FAM177A1: variants seen among roughly 807,000 people sequenced by gnomAD.
FAM177A1 encodes the protein protein FAM177A1.
In FAM177A1, 22 loss-of-function variants were observed where a neutral mutation model predicts 26.1. The ratio of observed to expected loss-of-function variants is 0.84; its 90% confidence interval spans 0.60 to 1.20. The LOEUF is 1.20. Among genes scored for constraint, FAM177A1 ranks in the 50% most tolerant of loss-of-function variants. The pLI is 0.00. For missense variants in FAM177A1, 296 were observed against 291.1 expected (o/e 1.02, Z -0.12); for synonymous variants, 95 against 99.3 (o/e 0.96, Z 0.26).
intron 2 of FAM177A1, among the ~76,000 whole-genome samples, chr14:35,068,527 T>C (rs544852398): frequency 6.6e-6 from 1 of 152,368 alleles, no homozygotes; most frequent in South Asian, 2.1e-4. Context: ...AATGAGGTTG[T>C]GTTATTTACT....
chr14:35,046,660 G>A (rs1025765091), intron 1 of FAM177A1, 32 bp downstream of exon 1: 21 of 1,511,162 alleles, frequency 1.4e-5, no homozygotes, highest in Admixed American at 1.1e-4. Flanking sequence ...GACGTCCGGG[G>A]AGCCGAGCCG....
chr14:35,049,898 T>C (rs764916459), intron 1 of FAM177A1: 1 of 152,270 alleles, frequency 6.6e-6, no homozygotes, highest in African/African-American at 2.4e-5. Flanking sequence ...CCTGGTGTTA[T>C]GAAACTATCT....
chr14:35,052,160 A>G (rs1395464814), intron 1 of FAM177A1, among the ~76,000 whole-genome samples: 1 of 152,024 alleles, frequency 6.6e-6, no homozygotes, highest in Non-Finnish European at 1.5e-5. Flanking sequence ...GTTTCTACCC[A>G]TGGGGTAACC....
intron 3 of FAM177A1, among the ~76,000 whole-genome samples, chr14:35,077,779 G>A (rs2045421317): frequency 1.3e-5 from 2 of 152,176 alleles, no homozygotes; most frequent in African/African-American, 4.8e-5. Context: ...ACCGCGCCCG[G>A]CCTCAAGTTC....
chr14:35,046,475 C>G lies in FAM177A1; in HGVS notation c.12C>G (p.Gly4=), dbSNP rs1473847550. The change falls in exon 1 of 5, where the codon GGC becomes GGG. Residue 4 remains glycine (G), a synonymous_variant. Coordinates refer to ENST00000280987, the MANE Select transcript of FAM177A1 (RefSeq NM_173607.5). ...CGGGGAGACCAAGGATGGAAGTGGG[C>G]TTACCGGCCATTACCCTCTTTCTCA... The part of the protein sequence containing the change: MEV[G]LPAITLFLTS... The G allele has an allele frequency of 1.9e-6, 3 of 1,588,064 alleles. No individual in the cohort carries two copies. The highest frequency in any genetic ancestry group is 4.7e-5 in the East Asian group (2 of 42,880).
rs754687338 is a variant in FAM177A1, at chr14:35,081,191, T to C, written c.674T>C (p.Met225Thr). ...FEMEGDSEVI[M>T]ESKQNPVSVP... is the part of the protein sequence containing the mutation. ...ATGGAGGGAGACAGTGAAGTAATTA[T>C]GGAAAGCAAGCAAAATCCAGTCTCT... The change falls in exon 5 of 5, where the codon ATG (methionine) becomes ACG (threonine). Residue 225 changes from methionine to threonine, a missense_variant. Physicochemically the swap from Met to Thr is moderately conservative, Grantham distance 81. Transcript: ENST00000280987. The C allele has an allele frequency of 4.1e-5, 66 of 1,613,488 alleles. No homozygotes were observed. In the Admixed American group the frequency reaches 1.0e-3, roughly 25 times the overall value.
chr14:35,071,114 AG>A (rs1471575970), intron 2 of FAM177A1, among the ~76,000 whole-genome samples: 4 of 151,486 alleles, frequency 2.6e-5, no homozygotes, highest in African/African-American at 7.3e-5. Flanking sequence ...CTTCTGCCTC[AG>A]CCTCCTGAGT....
intron 2 of FAM177A1, among the ~76,000 whole-genome samples, chr14:35,068,384 C>T (rs979246260): frequency 6.6e-6 from 1 of 152,334 alleles, no homozygotes. Context: ...TGTAGATTTA[C>T]TCTCTACTCG....
At chr14:35,049,503 G>A (rs1005225391) in intron 1 of FAM177A1, among the ~76,000 whole-genome samples, 2 of 152,168 alleles carry the variant, frequency 1.3e-5, no homozygotes, top group Admixed American at 1.3e-4. Context: ...CAGATCCTGA[G>A]CTGGGCAGAG....
intron 2 of FAM177A1, among the ~76,000 whole-genome samples, chr14:35,067,583 TA>T (rs1191003739): frequency 6.6e-6 from 1 of 152,218 alleles, no homozygotes; most frequent in Non-Finnish European, 1.5e-5. Flanking sequence ...ATTCTGTTTT[TA>T]ATTTTTTGAG....
intron 2 of FAM177A1, among the ~76,000 whole-genome samples, chr14:35,071,577 TCAAA>T (rs977701285): frequency 1.4e-5 from 2 of 146,646 alleles, no homozygotes; most frequent in African/African-American, 5.0e-5. Flanking sequence ...AAGTCAATGT[TCAAA>T]CAAAGGGCCC....
intron 1 of FAM177A1, chr14:35,046,836 A>G (rs1367678890): frequency 3.7e-6 from 5 of 1,359,074 alleles, no homozygotes; most frequent in Non-Finnish European, 4.7e-6. Context: ...CTTGGCTGGC[A>G]GCACAGCAGA....
chr14:35,079,150 T>C, intron 4 of FAM177A1, 126 bp downstream of exon 4: 1 of 623,228 alleles, frequency 1.6e-6, no homozygotes, highest in Non-Finnish European at 2.7e-6. Flanking sequence ...CATTTCATTC[T>C]AGAATCATTA....
At chr14:35,060,844 T>C (rs886102081) in intron 2 of FAM177A1, among the ~76,000 whole-genome samples, 8 of 152,210 alleles carry the variant, frequency 5.3e-5, no homozygotes, top group African/African-American at 1.9e-4. Flanking sequence ...AAACAATTGA[T>C]AAATTTTAAG....
upstream of FAM177A1, chr14:35,046,249 G>C (rs2044858237): frequency 2.3e-6 from 1 of 435,278 alleles, no homozygotes; most frequent in Non-Finnish European, 3.9e-6. Flanking sequence ...CCCGCCCCGC[G>C]CGAGCCGGTA....
At position 35,068,187 on chromosome 14, in the gene FAM177A1, C is replaced by T. The variant is rs542782632; in HGVS notation, c.340-8963C>T. On this transcript the variant is annotated intron_variant, in intron 2 of 4. Coordinates refer to ENST00000280987, the MANE Select transcript of FAM177A1 (RefSeq NM_173607.5). ...CCAATATGTATTTCAGAATCTCCAT[C>T]GGTGGCAGTAAATAGGTTTTTTATT... 5.9e-5 allele frequency among the ~76,000 whole-genome samples: 9 copies of T among 152,250 alleles called. No individual in the cohort carries two copies. In the South Asian group the frequency reaches 8.3e-4, roughly 14 times the overall value.
At chr14:35,048,490 C>T (rs1387125875) in intron 1 of FAM177A1, among the ~76,000 whole-genome samples, 2 of 151,452 alleles carry the variant, frequency 1.3e-5, no homozygotes, top group Non-Finnish European at 2.9e-5. Flanking sequence ...TGTTCTCATT[C>T]CCCAAAGGTA....
intron 1 of FAM177A1, among the ~76,000 whole-genome samples, chr14:35,052,004 A>G (rs1231148104): frequency 6.6e-6 from 1 of 152,228 alleles, no homozygotes; most frequent in East Asian, 1.9e-4. Context: ...ATCTTTATAG[A>G]GAACAAAATG....
At chr14:35,053,148 C>G (rs1021559152) in intron 1 of FAM177A1, 130 bp from the exon 2 acceptor site, 1 of 785,388 alleles carries the variant, frequency 1.3e-6, no homozygotes, top group Admixed American at 2.9e-5. Context: ...GAGACCATGT[C>G]TCAGAACAAA....
Sources: allele counts gnomAD v4.1 joint callset (sites outside exome capture counted in the v4.1 genomes callset), GRCh38; gene constraint gnomAD v4.1.1; transcripts MANE v1.5; gene names NCBI Gene and HGNC (gene_info 2026-07-23, HGNC 2026-07-21).